Variants in MEP1A observed in about 807,000 individuals in gnomAD.
MEP1A encodes N-benzoyl-L-tyrosyl-P-amino-benzoic acid hydrolase subunit alpha.
MEP1A carries 68 observed loss-of-function variants against 84.5 expected under a neutral mutation model. That is an observed-to-expected ratio of 0.80 (90% confidence interval 0.66 to 0.98). MEP1A has a LOEUF of 0.98. Ranked by LOEUF, MEP1A falls within the 50% of genes least tolerant of loss-of-function variation. MEP1A has a pLI of 0.00. For synonymous variants in MEP1A, 337 were observed against 336.8 expected, an observed-to-expected ratio of 1.00 and a Z score of -0.01; for missense variants, 887 against 919.9, an observed-to-expected ratio of 0.96 and a Z score of 0.46.
chr6:46,833,302 G>A lies in MEP1A; in HGVS notation c.1373G>A (p.Arg458Gln), dbSNP rs1386229821. ...AAAGGGGACAAGCTTCAGAGCCCTC[G>A]ATTCTACAATTCGGAGGGATATGGT... ...TSKGDKLQSP[R>Q]FYNSEGYGFG... The change falls in exon 11 of 14, where the codon CGA (arginine) becomes CAA (glutamine). Residue 458 changes from arginine to glutamine, a missense_variant. Transcript: ENST00000230588. 6.2e-6 allele frequency: 10 copies of A among 1,614,178 alleles called. No individual in the cohort carries two copies. The highest frequency in any genetic ancestry group is 1.3e-5 in the African/African-American group (1 of 75,050).
intron 6 of MEP1A, among the ~76,000 whole-genome samples, chr6:46,810,582 GA>G (rs1426426768): frequency 1.3e-5 from 2 of 152,110 alleles, no homozygotes; most frequent in Non-Finnish European, 1.5e-5. Flanking sequence ...TTACCTTCTA[GA>G]ATCTTTATGG....
At chr6:46,807,703 A>G (rs1016184702) in intron 5 of MEP1A, among the ~76,000 whole-genome samples, 2 of 149,068 alleles carry the variant, frequency 1.3e-5, no homozygotes, top group African/African-American at 4.9e-5. Context: ...GAGGAGAAGG[A>G]AAAAACAAGA....
At chr6:46,800,873 A>G (rs1223741357) in intron 5 of MEP1A, among the ~76,000 whole-genome samples, 1 of 152,178 alleles carries the variant, frequency 6.6e-6, no homozygotes, top group Non-Finnish European at 1.5e-5. Flanking sequence ...CCTGATTTAC[A>G]ACTGATTTAC....
intron 11 of MEP1A, among the ~76,000 whole-genome samples, 181 bp downstream of exon 11, chr6:46,833,719 C>G (rs1581689131): frequency 6.6e-6 from 1 of 152,284 alleles, no homozygotes; most frequent in East Asian, 1.9e-4. Context: ...CCTTCCCTTT[C>G]CTAAATTCAC....
intron 7 of MEP1A, among the ~76,000 whole-genome samples, chr6:46,824,307 G>T (rs1180889653): frequency 6.6e-6 from 1 of 151,186 alleles, no homozygotes; most frequent in African/African-American, 2.4e-5. Context: ...TATTTATAAT[G>T]TATCTTTGGT....
chr6:46,813,223 G>T (rs1412178604), intron 6 of MEP1A, among the ~76,000 whole-genome samples: 1 of 151,462 alleles, frequency 6.6e-6, no homozygotes, highest in Non-Finnish European at 1.5e-5. Context: ...TATGTGTTAT[G>T]TGAGGCCTCA....
At chr6:46,801,195 A>G (rs934960233) in intron 5 of MEP1A, among the ~76,000 whole-genome samples, 9 of 152,178 alleles carry the variant, frequency 5.9e-5, no homozygotes, top group African/African-American at 2.2e-4. Context: ...AGAAAACGCC[A>G]AACAGTTTTC....
chr6:46,838,515 T>A (rs1322417686), intron 13 of MEP1A, among the ~76,000 whole-genome samples: 1 of 152,206 alleles, frequency 6.6e-6, no homozygotes, highest in Non-Finnish European at 1.5e-5. Context: ...TTATTTGATA[T>A]TATTTAGAAG....
Position 46,835,398 on chromosome 6 carries a change from CA to C in MEP1A, c.1934del (p.Gln645ArgfsTer42), listed in dbSNP as rs1768194802. The C allele has an allele frequency of 6.2e-7, 1 of 1,612,288 alleles. No individual in the cohort carries two copies. Among genetic ancestry groups the C allele is most frequent in the Non-Finnish European group, 8.5e-7 (1 of 1,179,230 alleles). ...LEEALPVSLS[Q>X]GQPSRQKRSV... ...GGAAGCCCTACCTGTCAGCCTGAGC[CA>C]GGGGCAGCCCAGCCGACAGAAGCGG... On this transcript the variant is annotated frameshift_variant, in exon 13 of 14. Transcript: ENST00000230588. LOFTEE classifies it high-confidence loss of function.
intron 5 of MEP1A, among the ~76,000 whole-genome samples, chr6:46,806,092 T>C (rs1036610935): frequency 1.3e-5 from 2 of 152,082 alleles, no homozygotes; most frequent in Non-Finnish European, 1.5e-5. Context: ...GCTGAGATTA[T>C]TTGTATGTTC....
At chr6:46,824,859 TATATTTAAATA>T (rs1767882349) in intron 7 of MEP1A, among the ~76,000 whole-genome samples, 2 of 90,238 alleles carry the variant, frequency 2.2e-5, no homozygotes, top group African/African-American at 5.1e-5. Flanking sequence ...ATATAAATTA[TATATTTAAATA>T]GATCTATTTA....
At chr6:46,822,211 G>A (rs537735227) in intron 7 of MEP1A, among the ~76,000 whole-genome samples, 38 of 152,234 alleles carry the variant, frequency 2.5e-4, no homozygotes, top group Non-Finnish European at 4.3e-4. Flanking sequence ...TTTAAGTATT[G>A]TATATGGCTG....
At chr6:46,809,660 C>G in intron 6 of MEP1A, 123 bp downstream of exon 6, 3 of 624,168 alleles carry the variant, frequency 4.8e-6, no homozygotes, top group Admixed American at 5.0e-5. Context: ...TAACTTAGCT[C>G]CCACATATGA....
chr6:46,804,541 C>T (rs886344275), intron 5 of MEP1A, among the ~76,000 whole-genome samples: 6 of 151,650 alleles, frequency 4.0e-5, no homozygotes, highest in Admixed American at 1.3e-4. Flanking sequence ...ATTTCAAAGT[C>T]GCTTTCGGGC....
At chr6:46,838,062 T>TC (rs1768256842) in intron 13 of MEP1A, among the ~76,000 whole-genome samples, 2 of 151,870 alleles carry the variant, frequency 1.3e-5, no homozygotes, top group Admixed American at 6.6e-5. Context: ...TGGCTATTTT[T>TC]TTTTTTTTTT....
At chr6:46,804,008 G>A (rs973953377) in intron 5 of MEP1A, among the ~76,000 whole-genome samples, 3 of 151,458 alleles carry the variant, frequency 2.0e-5, no homozygotes, top group African/African-American at 4.8e-5. Context: ...CATAAGTCTC[G>A]CACTATAGTG....
At chr6:46,797,806 CTT>C (rs764041660) in intron 3 of MEP1A, among the ~76,000 whole-genome samples, 5 of 53,526 alleles carry the variant, frequency 9.3e-5, no homozygotes, top group Non-Finnish European at 2.0e-4. Flanking sequence ...TTCTTTCTTT[CTT>C]TCTTTCTTTC....
intron 3 of MEP1A, 48 bp downstream of exon 3, chr6:46,793,764 C>G (rs755825665): frequency 7.5e-7 from 1 of 1,340,634 alleles, no homozygotes; most frequent in Middle Eastern, 2.4e-4. Flanking sequence ...ACTTGAAACC[C>G]AGTGGTGGGA....
Position 46,839,079 on chromosome 6 carries a change from C to T in MEP1A, c.2184C>T (p.Gly728=), listed in dbSNP as rs150656087. 3.1e-4 allele frequency: 494 copies of T among 1,613,428 alleles called. 2 individuals carry two copies. The African/African-American group carries it at 4.9e-3, about 16-fold the overall frequency. Residue 728 remains glycine, a synonymous_variant, in exon 14 of 14, where the codon GGC becomes GGT. Coordinates refer to ENST00000230588, the MANE Select transcript of MEP1A (RefSeq NM_005588.3). ...GCATGGTGATCGGAGGCACGGCTGG[C>T]GTGATCTTCTTGACCTTCTCCATCA... ...VLGMVIGGTA[G]VIFLTFSIIA...
Sources: gnomAD v4.1 joint callset for allele counts (sites outside exome capture counted in the v4.1 genomes callset) on GRCh38, gnomAD v4.1.1 for gene constraint, MANE v1.5 for transcripts, NCBI Gene and HGNC (gene_info 2026-07-23, HGNC 2026-07-21) for gene names.